The following PTPN2 variants were observed in gnomAD, a reference collection of about 807,000 sequenced individuals.
PTPN2 encodes the protein protein tyrosine phosphatase non-receptor type 2, also known as tyrosine-protein phosphatase non-receptor type 2.
A neutral mutation model predicts 57.3 loss-of-function variants in PTPN2; 19 were observed. The ratio of observed to expected loss-of-function variants is 0.33; its 90% CI spans 0.23 to 0.49. The LOEUF is 0.49. Ranked by LOEUF, PTPN2 falls within the 20% of genes least tolerant of loss-of-function variation. The pLI is 0.99. For missense variants in PTPN2, 358 were observed against 501.1 expected, an observed-to-expected ratio of 0.71 and a Z score of 2.73; for synonymous variants, 153 against 164.9, an observed-to-expected ratio of 0.93 and a Z score of 0.55.
intron 1 of PTPN2, among the ~76,000 whole-genome samples, chr18:12,879,990 T>C (rs1028617123): frequency 2.6e-5 from 4 of 152,196 alleles, no homozygotes; most frequent in Non-Finnish European, 5.9e-5. Flanking sequence ...TTAATGCAAA[T>C]TGTGTTCCCG....
downstream of PTPN2, among the ~76,000 whole-genome samples, chr18:12,789,623 A>G (rs2040929043): frequency 2.0e-5 from 3 of 152,210 alleles, no homozygotes; most frequent in African/African-American, 7.2e-5. Flanking sequence ...AGGGTGCAAC[A>G]GACTGAGAGC....
intron 4 of PTPN2, among the ~76,000 whole-genome samples, chr18:12,827,794 T>C (rs1213493118): frequency 1.9e-4 from 29 of 151,826 alleles, no homozygotes; most frequent in Admixed American, 1.9e-3. Flanking sequence ...ATACGTATAA[T>C]AGGAAGACCC....
intron 1 of PTPN2, among the ~76,000 whole-genome samples, chr18:12,876,239 C>G (rs1475439627): frequency 6.7e-6 from 1 of 150,088 alleles, no homozygotes; most frequent in African/African-American, 2.5e-5. Context: ...GGTGAGCAGA[C>G]CACTTGAGGC....
chr18:12,870,270 T>C lies in PTPN2; in HGVS notation c.70-11016A>G, dbSNP rs139375770. On this transcript the variant is annotated intron_variant, in intron 1 of 8. Coordinates refer to ENST00000309660, the MANE Select transcript of PTPN2 (RefSeq NM_002828.4). ...TACTTAACTTTAGCATATATATATA[T>C]ATGTATATATATACATATACATATA... is the stretch of plus-strand genomic sequence containing the variant. Among the ~76,000 whole-genome samples, 455 of 94,308 alleles carry C rather than the reference T, an allele frequency of 4.8e-3. 52 individuals carry two copies. The highest frequency in any genetic ancestry group is 0.029 in the African/African-American group (439 of 15,168). The allele number at this position is 94,308 out of a possible 152,430, so 61.9% of individuals were successfully genotyped here.
At chr18:12,823,369 C>T (rs936566412) in intron 5 of PTPN2, among the ~76,000 whole-genome samples, 8 of 152,102 alleles carry the variant, frequency 5.3e-5, no homozygotes, top group African/African-American at 1.9e-4. Context: ...AAGGACTTAT[C>T]CCCATGTCAA....
intron 7 of PTPN2, among the ~76,000 whole-genome samples, chr18:12,813,690 A>G (rs2041972959): frequency 6.6e-6 from 1 of 152,238 alleles, no homozygotes; most frequent in East Asian, 1.9e-4. Flanking sequence ...ATTTTAACTT[A>G]GTACATAACA....
chr18:12,873,775 T>G (rs1244283983), intron 1 of PTPN2, among the ~76,000 whole-genome samples: 3 of 151,844 alleles, frequency 2.0e-5, no homozygotes, highest in Non-Finnish European at 4.4e-5. Context: ...GGAGCCCCTC[T>G]GCCTGGCTGC....
intron 4 of PTPN2, among the ~76,000 whole-genome samples, chr18:12,830,464 C>G (rs1273674913): frequency 6.6e-6 from 1 of 152,050 alleles, no homozygotes; most frequent in Non-Finnish European, 1.5e-5. Flanking sequence ...TATTGAAGAT[C>G]AGGAAAAACC....
intron 2 of PTPN2, among the ~76,000 whole-genome samples, chr18:12,843,009 A>T (rs2043095557): frequency 6.6e-6 from 1 of 152,260 alleles, no homozygotes; most frequent in Admixed American, 6.5e-5. Flanking sequence ...GGAAAAGCGC[A>T]GAAACCTTCA....
At chr18:12,804,664 G>C (rs138604290) in intron 7 of PTPN2, among the ~76,000 whole-genome samples, 1 of 152,018 alleles carries the variant, frequency 6.6e-6, no homozygotes, top group South Asian at 2.1e-4. Flanking sequence ...AGACACACAC[G>C]AACTATCAAA....
chr18:12,794,489 T>C lies in PTPN2; in HGVS notation c.1041-4A>G, dbSNP rs112291448. 680 of 1,611,784 alleles carry C rather than the reference T, an allele frequency of 4.2e-4. 5 individuals carry two copies. In the African/African-American group the frequency reaches 8.2e-3, roughly 20 times the overall value. ...TCGAATACGTTTCCGTAGAGCACTA[T>C]GAGGAAATAAAAACAAGTGAAAGGA... On this transcript the variant is annotated splice_polypyrimidine_tract_variant and splice_region_variant and intron_variant, in intron 8 of 8. Coordinates refer to ENST00000309660, the MANE Select transcript of PTPN2 (RefSeq NM_002828.4).
At chr18:12,881,609 C>G (rs773865161) in intron 1 of PTPN2, among the ~76,000 whole-genome samples, 11 of 152,210 alleles carry the variant, frequency 7.2e-5, no homozygotes, top group Non-Finnish European at 1.5e-4. Context: ...AGCATTCCCT[C>G]AGTGCCTTTG....
At chr18:12,819,251 A>T in intron 5 of PTPN2, 1 of 1,461,170 alleles carries the variant, frequency 6.8e-7, no homozygotes, top group Non-Finnish European at 9.1e-7. Context: ...TAATAATTTC[A>T]AATACAGTGT....
chr18:12,797,083 T>C (rs139081910), intron 8 of PTPN2, among the ~76,000 whole-genome samples: 56 of 152,304 alleles, frequency 3.7e-4, no homozygotes, highest in African/African-American at 1.3e-3. Flanking sequence ...GAATTCACTC[T>C]CTGAATTGAA....
At chr18:12,849,459 T>C (rs2043318631) in intron 2 of PTPN2, among the ~76,000 whole-genome samples, 1 of 152,180 alleles carries the variant, frequency 6.6e-6, no homozygotes, top group Admixed American at 6.5e-5. Flanking sequence ...CTTGGGAGGC[T>C]GAGGCAGGAG....
downstream of PTPN2, among the ~76,000 whole-genome samples, chr18:12,788,432 CTTTTTTTTT>C (rs71174142): frequency 1.1e-5 from 1 of 90,110 alleles, no homozygotes; most frequent in Non-Finnish European, 2.0e-5. Flanking sequence ...GGGATCAGGG[CTTTTTTTTT>C]TTTTTTTTTT....
chr18:12,876,205 A>C (rs1276812989), intron 1 of PTPN2, among the ~76,000 whole-genome samples: 1 of 151,632 alleles, frequency 6.6e-6, no homozygotes, highest in Non-Finnish European at 1.5e-5. Flanking sequence ...TCATGCCTGT[A>C]ATCTCGCCAC....
At chr18:12,820,507 A>G (rs1421827530) in intron 5 of PTPN2, among the ~76,000 whole-genome samples, 3 of 152,196 alleles carry the variant, frequency 2.0e-5, no homozygotes, top group Admixed American at 1.3e-4. Flanking sequence ...AGGGTTGCCA[A>G]AGGATACAGA....
intron 2 of PTPN2, among the ~76,000 whole-genome samples, chr18:12,854,746 A>G (rs1374431543): frequency 6.6e-6 from 1 of 152,216 alleles, no homozygotes; most frequent in African/African-American, 2.4e-5. Flanking sequence ...TTACAGTGAG[A>G]AGGAGAGAGA....
Sources: gnomAD v4.1 joint callset for allele counts (sites outside exome capture counted in the v4.1 genomes callset) on GRCh38, gnomAD v4.1.1 for gene constraint, MANE v1.5 for transcripts, NCBI Gene and HGNC (gene_info 2026-07-23, HGNC 2026-07-21) for gene names.